Variants in TP53BP1 observed in about 807,000 individuals in gnomAD.
TP53BP1 encodes the protein tumor protein p53 binding protein 1, also known as TP53-binding protein 1.
TP53BP1 carries 61 observed loss-of-function variants against 200.8 expected under a neutral mutation model. The ratio of observed to expected loss-of-function variants is 0.30; its 90% CI spans 0.25 to 0.38. The LOEUF (loss-of-function observed/expected upper bound fraction) is 0.38, where lower values mean the gene tolerates loss of function less well. Among genes scored for constraint, TP53BP1 ranks in the 10% least tolerant of loss-of-function variants. The pLI, the probability that TP53BP1 is intolerant of heterozygous loss-of-function variation, is 1.00. For missense variants in TP53BP1, 2,144 were observed against 2,371.9 expected (o/e 0.90, Z 2.00); for synonymous variants, 822 against 844.3 (o/e 0.97, Z 0.46).
Position 43,413,441 on chromosome 15 carries a change from C to T in TP53BP1, c.5090-107G>A, listed in dbSNP as rs1417960463. ...CCAAGCATGACCTGATGGGCAGGCACTGTCCTGATGAACTTATCTGAGCCA... is the reference window on the plus strand; with the variant it reads ...CCAAGCATGACCTGATGGGCAGGCATTGTCCTGATGAACTTATCTGAGCCA... On this transcript the variant is annotated intron_variant, in intron 23 of 27. Coordinates refer to ENST00000382044, the MANE Select transcript of TP53BP1 (RefSeq NM_001141980.3). The T allele has an allele frequency of 3.5e-6, 3 of 867,190 alleles. No homozygotes were observed. In the Admixed American group the frequency reaches 7.8e-5, roughly 22 times the overall value. The allele number at this position is 867,190 out of a possible 1,614,324, so 53.7% of individuals were successfully genotyped here.
rs933064882 is a variant in TP53BP1, at chr15:43,442,623, G to A, written c.3041-1040C>T. Among the ~76,000 whole-genome samples the A allele has an allele frequency of 2.0e-5, 3 of 151,378 alleles. No individual in the cohort carries two copies. The South Asian group carries it at 6.3e-4, about 32-fold the overall frequency. ...AGCGATTCTCATGCCTCACCCTCCTGAGTAGCTGGGATTACAGGTGTGCAC... is the reference window on the plus strand; with the variant it reads ...AGCGATTCTCATGCCTCACCCTCCTAAGTAGCTGGGATTACAGGTGTGCAC... On this transcript the variant is annotated intron_variant, in intron 14 of 27. Coordinates refer to ENST00000382044, the MANE Select transcript of TP53BP1 (RefSeq NM_001141980.3).
intron 15 of TP53BP1, among the ~76,000 whole-genome samples, chr15:43,439,615 G>C (rs1160394765): frequency 2.0e-5 from 3 of 152,212 alleles, no homozygotes; most frequent in Non-Finnish European, 4.4e-5. Flanking sequence ...GCTTACTTTA[G>C]ATGATTTGTT....
rs1054351120 is a variant in TP53BP1, at chr15:43,482,241, C to T, written c.372-1219G>A. On this transcript the variant is annotated intron_variant, in intron 4 of 27. Coordinates refer to ENST00000382044, the MANE Select transcript of TP53BP1 (RefSeq NM_001141980.3). The stretch of plus-strand genomic sequence containing the variant: ...GAGACTCCACCTCAAAAAACAACAA[C>T]AACAACAACAACAACAACAAGAAAC... Among the ~76,000 whole-genome samples the T allele has an allele frequency of 2.7e-4, 41 of 151,834 alleles. 1 individual carries two copies. The highest frequency in any genetic ancestry group is 1.2e-3 in the East Asian group (6 of 5,136).
chr15:43,417,508 C>T (rs953291353), intron 21 of TP53BP1, among the ~76,000 whole-genome samples: 2 of 152,356 alleles, frequency 1.3e-5, no homozygotes, highest in African/African-American at 4.8e-5. Context: ...ATACTTCACA[C>T]TAATGAAGAG....
intron 12 of TP53BP1, among the ~76,000 whole-genome samples, chr15:43,452,829 A>G (rs2046201648): frequency 6.6e-6 from 1 of 152,202 alleles, no homozygotes; most frequent in Admixed American, 6.5e-5. Context: ...AATGTAAACA[A>G]GAATTCATGA....
intron 16 of TP53BP1, 97 bp downstream of exon 16, chr15:43,438,227 C>G: frequency 9.8e-7 from 1 of 1,021,662 alleles, no homozygotes; most frequent in Non-Finnish European, 1.4e-6. Context: ...CCAACACATG[C>G]CACATTCAAA....
intron 7 of TP53BP1, among the ~76,000 whole-genome samples, chr15:43,478,551 A>G (rs995704820): frequency 9.2e-5 from 14 of 152,196 alleles, no homozygotes; most frequent in African/African-American, 3.1e-4. Flanking sequence ...TTCTTCTGCC[A>G]TATTCAAACT....
intron 4 of TP53BP1, among the ~76,000 whole-genome samples, chr15:43,483,233 A>AACAC (rs71431896): frequency 0.31 from 43,622 of 142,586 alleles, 6,542 homozygotes; most frequent in Middle Eastern, 0.41. Flanking sequence ...AAAAGTACAG[A>AACAC]ACACACACAC....
chr15:43,447,291 T>C, intron 13 of TP53BP1, 75 bp downstream of exon 13: 1 of 1,493,480 alleles, frequency 6.7e-7, no homozygotes, highest in Non-Finnish European at 9.1e-7. Context: ...ACTCCTCAGA[T>C]CTAAAATATC....
intron 18 of TP53BP1, among the ~76,000 whole-genome samples, chr15:43,425,059 G>A (rs2045494688): frequency 6.6e-6 from 1 of 152,194 alleles, no homozygotes; most frequent in African/African-American, 2.4e-5. Context: ...GTGATACCCT[G>A]TGTTGCCTCG....
rs181641979 is a variant in TP53BP1, at chr15:43,415,353, C to T, written c.5089+241G>A. ...CCTCCCCAGTAGCTGGTATTACAGG[C>T]GCCCGCCACCACACTCAGCTAATTC... On this transcript the variant is annotated intron_variant, in intron 23 of 27. Transcript: ENST00000382044. The T allele has an allele frequency of 6.3e-3, 3,707 of 591,416 alleles. 24 individuals are homozygous for T. The highest frequency in any genetic ancestry group is 7.9e-3 in the Non-Finnish European group (2,542 of 323,576). The allele number at this position is 591,416 out of a possible 1,614,324, so 36.6% of individuals were successfully genotyped here. A position where few individuals can be genotyped will look rare whatever the true frequency, so the allele number is the denominator to read the frequency against.
intron 17 of TP53BP1, among the ~76,000 whole-genome samples, chr15:43,429,334 G>A (rs1297202058): frequency 2.0e-5 from 3 of 152,054 alleles, no homozygotes; most frequent in East Asian, 1.9e-4. Flanking sequence ...AAAAATACAT[G>A]TTTTCTAATA....
Position 43,475,588 on chromosome 15 carries a change from G to T in TP53BP1, c.1062C>A (p.Ser354=). ...ACGTGGAAAGACTGTCCTGAACAAG[G>T]GACCTCTGACCAGAGAGCTGCAGGA... ...LHLLQLSGQR[S]LVQDSLSTNS... The change falls in exon 9 of 28, where the codon TCC becomes TCA. Residue 354 remains serine (S), a synonymous_variant. Coordinates refer to ENST00000382044, the MANE Select transcript of TP53BP1 (RefSeq NM_001141980.3). 6.2e-7 allele frequency: 1 copy of T among 1,614,106 alleles called. No homozygotes were observed. The highest frequency in any genetic ancestry group is 8.5e-7 in the Non-Finnish European group (1 of 1,180,022).
intron 13 of TP53BP1, 48 bp from the exon 14 acceptor site, chr15:43,446,638 A>G (rs747243082): frequency 1.1e-5 from 17 of 1,591,154 alleles, no homozygotes; most frequent in Non-Finnish European, 1.5e-5. Flanking sequence ...ACTAAAATAC[A>G]AACACAAAAA....
chr15:43,409,092 T>C lies in TP53BP1; in HGVS notation c.5405A>G (p.Asn1802Ser). The C allele has an allele frequency of 6.2e-7, 1 of 1,614,178 alleles. No individual in the cohort carries two copies. The highest frequency in any genetic ancestry group is 8.5e-7 in the Non-Finnish European group (1 of 1,180,004). Reference sequence around the variant, plus strand: ...AATTAGAAGACACTGGTAAGCTGTGTTACACTGCAAGAAAAGAAGCAGAGC... The same window carrying C: ...AATTAGAAGACACTGGTAAGCTGTGCTACACTGCAAGAAAAGAAGCAGAGC... ...ILEDFNEAQC[N>S]TAYQCLLIAD... is the part of the protein sequence containing the mutation. Residue 1802 changes from asparagine to serine, a missense_variant, in exon 26 of 28, where the codon AAC becomes AGC. Asn to Ser is a conservative substitution (Grantham distance 46, BLOSUM62 1). Around this residue, in one of 4 missense-constraint regions of TP53BP1, gnomAD observed 334 missense variants for 453.4 expected, o/e 0.74. Coordinates refer to ENST00000382044, the MANE Select transcript of TP53BP1 (RefSeq NM_001141980.3).
intron 24 of TP53BP1, among the ~76,000 whole-genome samples, chr15:43,411,540 G>A (rs946878961): frequency 1.3e-5 from 2 of 152,332 alleles, no homozygotes; most frequent in Non-Finnish European, 2.9e-5. Flanking sequence ...ATTCTGTAGA[G>A]GATTGTTTTA....
At chr15:43,446,845 C>A in intron 13 of TP53BP1, 1 of 1,409,056 alleles carries the variant, frequency 7.1e-7, no homozygotes, top group East Asian at 3.2e-5. Context: ...TCAGCCAACC[C>A]ACATCTGCCA....
chr15:43,499,142 C>T (rs867366520), intron 1 of TP53BP1, among the ~76,000 whole-genome samples: 3 of 152,202 alleles, frequency 2.0e-5, no homozygotes, highest in Middle Eastern at 3.4e-3. Flanking sequence ...CTTCAGTGGA[C>T]AAGGACACCA....
At chr15:43,429,879 G>C (rs689767) in intron 17 of TP53BP1, among the ~76,000 whole-genome samples, 70,637 of 152,022 alleles carry the variant, frequency 0.46, 21,437 homozygotes, top group African/African-American at 0.87. Context: ...AGACTATTCC[G>C]CACTAAAGAG....
Sources: allele counts gnomAD v4.1 joint callset (sites outside exome capture counted in the v4.1 genomes callset), GRCh38; gene constraint gnomAD v4.1.1; regional missense constraint gnomAD v4.1.1; transcripts MANE v1.5; gene names NCBI Gene and HGNC (gene_info 2026-07-23, HGNC 2026-07-21).